The following ARHGEF33 variants were observed in gnomAD, a reference collection of about 807,000 sequenced individuals.
ARHGEF33 encodes the protein DH and coiled-coil domain-containing protein ENSP00000381780.
ARHGEF33 carries 72 observed loss-of-function variants against 101.9 expected under a neutral mutation model. The observed-to-expected ratio is 0.71, with a 90% CI of 0.58 to 0.86. ARHGEF33 has a LOEUF of 0.86. ARHGEF33 is among the 40% of genes least tolerant of loss of function. The probability of loss-of-function intolerance (pLI) is 0.00; values close to 1 mark genes in which losing one functional copy is unlikely to be tolerated. For missense variants in ARHGEF33, 1,169 were observed against 1,111.3 expected (o/e 1.05, Z -0.74); for synonymous variants, 499 against 442.5 (o/e 1.13, Z -1.60).
Position 38,973,925 on chromosome 2 carries a change from T to G in ARHGEF33, c.*82T>G. On this transcript the variant is annotated 3_prime_UTR_variant, in exon 18 of 18. Coordinates refer to ENST00000409978, the MANE Select transcript of ARHGEF33 (RefSeq NM_001145451.5). The stretch of plus-strand genomic sequence containing the variant: ...ATCTGTGTAGGAATATATATATATA[T>G]CTATATCTATATATATATATATATC... 1.2e-6 allele frequency: 1 copy of G among 843,396 alleles called. No homozygotes were observed. The highest frequency in any genetic ancestry group is 1.5e-6 in the Non-Finnish European group (1 of 653,290). The allele number at this position is 843,396 out of a possible 1,614,324, so 52.2% of individuals were successfully genotyped here.
rs1349118614 is a variant in ARHGEF33 at position 38,974,647 on chromosome 2, C to G, written c.*804C>G. On this transcript the variant is annotated 3_prime_UTR_variant, in exon 18 of 18. Coordinates refer to ENST00000409978, the MANE Select transcript of ARHGEF33 (RefSeq NM_001145451.5). ...GACCCACTCGTGATCTTGAGTGTCA[C>G]ACACACTCACAACCAGATGGACTAG... 3 of 152,166 alleles carry G rather than the reference C, an allele frequency of 2.0e-5. No individual in the cohort carries two copies. The highest frequency in any genetic ancestry group is 4.4e-5 in the Non-Finnish European group (3 of 68,030). The allele number at this position is 152,166 out of a possible 1,614,324, so 9.4% of individuals were successfully genotyped here.
chr2:38,928,024 G>T (rs543341430), intron 4 of ARHGEF33, among the ~76,000 whole-genome samples: 1 of 152,264 alleles, frequency 6.6e-6, no homozygotes, highest in African/African-American at 2.4e-5. Flanking sequence ...CCAAGTATGC[G>T]CTATGGTAGG....
Position 38,932,191 on chromosome 2 carries a change from C to T in ARHGEF33, c.505+940C>T, listed in dbSNP as rs185649238. Among the ~76,000 whole-genome samples, 8 of 152,204 alleles carry T rather than the reference C, an allele frequency of 5.3e-5. No homozygotes were observed. In the East Asian group the frequency reaches 5.8e-4, roughly 11 times the overall value. ...AGGCTGGAGTGCAGTGGCACGATCT[C>T]GGCTCACTGCAACTTCTGCCTCCCG... On this transcript the variant is annotated intron_variant, in intron 7 of 17. Transcript: ENST00000409978.
intron 2 of ARHGEF33, among the ~76,000 whole-genome samples, chr2:38,911,141 T>G (rs1666500495): frequency 1.3e-5 from 2 of 152,118 alleles, no homozygotes. Context: ...GCTTTTAGGC[T>G]CTATAGAAAA....
At chr2:38,920,564 C>T (rs1462101454) in intron 3 of ARHGEF33, among the ~76,000 whole-genome samples, 1 of 151,956 alleles carries the variant, frequency 6.6e-6, no homozygotes, top group Non-Finnish European at 1.5e-5. Flanking sequence ...CCTGCCACCA[C>T]AGCCAGCTAA....
Position 38,958,142 on chromosome 2 carries a change from C to T in ARHGEF33, c.1479C>T (p.His493=), listed in dbSNP as rs1357684970. The change falls in exon 15 of 18, where the codon CAC becomes CAT. Residue 493 remains histidine, a synonymous_variant. Coordinates refer to ENST00000409978, the MANE Select transcript of ARHGEF33 (RefSeq NM_001145451.5). ...AGGCTGTCCGTGACACTGGGATCCA[C>T]TCAGAAGAGTTGCTGCAACCCTACC... is the stretch of plus-strand genomic sequence containing the variant. ...GPEAVRDTGI[H]SEELLQPYPS... is the part of the protein sequence containing the mutation. The T allele has an allele frequency of 1.3e-6, 2 of 1,551,946 alleles. No individual in the cohort carries two copies. The highest frequency in any genetic ancestry group is 3.9e-5 in the Admixed American group (2 of 51,010).
chr2:38,908,732 A>C (rs915201819), intron 2 of ARHGEF33, among the ~76,000 whole-genome samples: 2 of 152,188 alleles, frequency 1.3e-5, no homozygotes, highest in African/African-American at 4.8e-5. Flanking sequence ...GGCCGTGATG[A>C]ACATCACTAC....
intron 10 of ARHGEF33, among the ~76,000 whole-genome samples, 200 bp from the exon 11 acceptor site, chr2:38,950,789 T>C (rs1667580555): frequency 6.6e-6 from 1 of 152,194 alleles, no homozygotes; most frequent in Non-Finnish European, 1.5e-5. Context: ...TAAAGGTTTT[T>C]TTTGTTTTGT....
At chr2:38,919,203 C>A (rs1258595144) in intron 2 of ARHGEF33, among the ~76,000 whole-genome samples, 160 bp from the exon 3 acceptor site, 1 of 152,162 alleles carries the variant, frequency 6.6e-6, no homozygotes, top group Non-Finnish European at 1.5e-5. Flanking sequence ...AAAATATTTA[C>A]CTTTATGCTA....
At chr2:38,894,326 T>G (rs1666073093) in intron 1 of ARHGEF33, among the ~76,000 whole-genome samples, 1 of 135,126 alleles carries the variant, frequency 7.4e-6, no homozygotes, top group Non-Finnish European at 1.7e-5. Flanking sequence ...AGAGAAAACC[T>G]GCCTTTAAAA....
chr2:38,917,987 G>A (rs1666673017), intron 2 of ARHGEF33, among the ~76,000 whole-genome samples: 1 of 152,176 alleles, frequency 6.6e-6, no homozygotes, highest in Non-Finnish European at 1.5e-5. Context: ...ATCTTGGATA[G>A]TGTTCATATA....
chr2:38,937,050 AAT>A (rs200851383), intron 8 of ARHGEF33: 3 of 207,088 alleles, frequency 1.4e-5, no homozygotes, highest in South Asian at 9.2e-5. Context: ...GCTGGAGTGC[AAT>A]GGGGCGATCT....
Position 38,944,029 on chromosome 2 carries a change from A to G in ARHGEF33, c.919A>G (p.Ser307Gly). The change falls in exon 10 of 18, where the codon AGC (serine) becomes GGC (glycine). Residue 307 changes from serine (S) to glycine (G), a missense_variant and splice_region_variant. By Grantham distance (56) the Ser-to-Gly change is moderately conservative (BLOSUM62 0). Coordinates refer to ENST00000409978, the MANE Select transcript of ARHGEF33 (RefSeq NM_001145451.5). ...SDGKRNSKERSLFPGSLRYLV... is the reference protein window; with the variant it reads ...SDGKRNSKERGLFPGSLRYLV... The stretch of plus-strand genomic sequence containing the variant: ...TGGAAAGAGGAATTCCAAAGAGAGA[A>G]GGTATCCATGCACTCATTGCCTTTG... 6.5e-7 allele frequency: 1 copy of G among 1,549,936 alleles called. No individual in the cohort carries two copies. Among genetic ancestry groups the G allele is most frequent in the Non-Finnish European group, 8.7e-7 (1 of 1,146,228 alleles).
chr2:38,892,805 C>G (rs1666034812), intron 1 of ARHGEF33, among the ~76,000 whole-genome samples: 1 of 152,170 alleles, frequency 6.6e-6, no homozygotes, highest in African/African-American at 2.4e-5. Context: ...TGAAATGTCG[C>G]TTCTATCTGT....
chr2:38,903,419 T>TG (rs1666294692), intron 2 of ARHGEF33, among the ~76,000 whole-genome samples: 1 of 147,564 alleles, frequency 6.8e-6, no homozygotes, highest in Admixed American at 6.7e-5. Context: ...AGGGATGGAT[T>TG]TTTTTTTTTT....
intron 1 of ARHGEF33, 105 bp from the exon 2 acceptor site, chr2:38,895,672 A>G (rs574887392): frequency 1.3e-5 from 2 of 152,170 alleles, no homozygotes; most frequent in South Asian, 4.1e-4. Context: ...AGTGAATTGC[A>G]TATATAATAA....
intron 4 of ARHGEF33, among the ~76,000 whole-genome samples, chr2:38,926,948 A>T (rs1352773500): frequency 6.6e-6 from 1 of 152,234 alleles, no homozygotes; most frequent in Admixed American, 6.5e-5. Flanking sequence ...TTTTGCTCAC[A>T]GAAGATACAT....
Position 38,939,783 on chromosome 2 carries a change from T to G in ARHGEF33, c.790+2224T>G, listed in dbSNP as rs1201358815. On this transcript the variant is annotated intron_variant, in intron 9 of 17. Transcript: ENST00000409978. ...CTTCCTCCTCAGCCTCCCAAGGAGC[T>G]AGGACTACAGGTGTGCACCACTGCA... Among the ~76,000 whole-genome samples the G allele has an allele frequency of 5.3e-5, 8 of 152,320 alleles. No homozygotes were observed. In the East Asian group the frequency reaches 1.5e-3, roughly 29 times the overall value.
rs751480297 is a variant in ARHGEF33, at chr2:38,951,159, A to G, written c.1053+38A>G. On this transcript the variant is annotated intron_variant, in intron 11 of 17. Transcript: ENST00000409978. The stretch of plus-strand genomic sequence containing the variant: ...CTGCCCCTCTATACATTTTACTTAT[A>G]CGGATTTGTGTCTCATTTGTCTACT... The G allele has an allele frequency of 6.9e-5, 107 of 1,542,692 alleles. 3 individuals carry two copies. The South Asian group carries it at 1.0e-3, about 15-fold the overall frequency.
Sources: gnomAD v4.1 joint callset for allele counts (sites outside exome capture counted in the v4.1 genomes callset) on GRCh38, gnomAD v4.1.1 for gene constraint, MANE v1.5 for transcripts, NCBI Gene and HGNC (gene_info 2026-07-23, HGNC 2026-07-21) for gene names.